The following MYO10 variants were observed in gnomAD, a reference collection of about 807,000 sequenced individuals.
MYO10 encodes the protein myosin X.
MYO10 carries 133 observed loss-of-function variants against 257.3 expected under a neutral mutation model. That is an observed-to-expected ratio of 0.52 (90% CI 0.45 to 0.60). MYO10 has a LOEUF of 0.60. Among genes scored for constraint, MYO10 ranks in the 20% least tolerant of loss-of-function variants. The pLI is 0.00. For missense variants in MYO10, 2,399 were observed against 2,635.7 expected (o/e 0.91, Z 1.97); for synonymous variants, 1,104 against 1,028.6 (o/e 1.07, Z -1.40).
chr5:16,918,783 G>A (rs1186398671), intron 1 of MYO10, among the ~76,000 whole-genome samples: 8 of 152,062 alleles, frequency 5.3e-5, no homozygotes, highest in Non-Finnish European at 1.0e-4. Flanking sequence ...TTACATGCGT[G>A]AGCCACCGCG....
chr5:16,672,867 G>GC, intron 36 of MYO10, 42 bp from the exon 37 acceptor site: 2 of 1,596,214 alleles, frequency 1.3e-6, no homozygotes, highest in Non-Finnish European at 1.7e-6. Flanking sequence ...ACAGGCTGCG[G>GC]CCCCAACACG....
intron 19 of MYO10, among the ~76,000 whole-genome samples, chr5:16,747,377 C>T (rs534866794): frequency 1.2e-4 from 17 of 136,676 alleles, no homozygotes; most frequent in African/African-American, 1.9e-4. Context: ...TTTTATCTTT[C>T]GCACAGTTGA....
intron 23 of MYO10, 125 bp downstream of exon 23, chr5:16,702,800 A>C: frequency 1.0e-6 from 1 of 979,484 alleles, no homozygotes; most frequent in Non-Finnish European, 1.5e-6. Context: ...CTAGCCACCT[A>C]GAGTTACTGT....
chr5:16,924,830 CTTTTT>C (rs35010705), intron 1 of MYO10, among the ~76,000 whole-genome samples: 1 of 124,370 alleles, frequency 8.0e-6, no homozygotes, highest in South Asian at 2.5e-4. Context: ...CACTTTATCA[CTTTTT>C]TTTTTTTTTT....
intron 2 of MYO10, among the ~76,000 whole-genome samples, chr5:16,874,137 A>G (rs1744525197): frequency 1.3e-5 from 2 of 152,034 alleles, no homozygotes; most frequent in South Asian, 4.2e-4. Context: ...GATCGAGACC[A>G]TCCTGGCTAA....
chr5:16,856,403 A>T (rs916888733), intron 2 of MYO10, among the ~76,000 whole-genome samples: 23 of 152,166 alleles, frequency 1.5e-4, no homozygotes, highest in Admixed American at 2.6e-4. Flanking sequence ...TACAAAAACT[A>T]GCTGGGCGTG....
intron 32 of MYO10, among the ~76,000 whole-genome samples, chr5:16,680,531 T>C (rs1407826582): frequency 3.9e-5 from 6 of 152,172 alleles, no homozygotes; most frequent in Admixed American, 1.3e-4. Flanking sequence ...GGCCTGGCAG[T>C]GTGTGAGTTC....
chr5:16,915,962 GAA>G (rs10541432), intron 1 of MYO10: 199,875 of 403,994 alleles, frequency 0.49, 29,443 homozygotes, highest in Admixed American at 0.58. Flanking sequence ...ACGTCAAAAA[GAA>G]AAAAAAAAAA....
rs181737103 is a variant in MYO10, at chr5:16,670,446, C to T, written c.5883+80G>A. ...AGCAAAATGCTCCATCTTGTCTTCT[C>T]TCCACATGAACTTGGCCGTGATCCA... On this transcript the variant is annotated intron_variant, in intron 39 of 40. Transcript: ENST00000513610. 2,052 of 1,301,646 alleles carry T rather than the reference C, an allele frequency of 1.6e-3. 5 individuals carry two copies. The highest frequency in any genetic ancestry group is 1.9e-3 in the Admixed American group (81 of 42,150). The allele number at this position is 1,301,646 out of a possible 1,614,324, so 80.6% of individuals were successfully genotyped here. A position where few individuals can be genotyped will look rare whatever the true frequency, so the allele number is the denominator to read the frequency against.
rs201885377 is a variant in MYO10 at position 16,700,906 on chromosome 5, C to CA, written c.3432+56dup. 1.3e-3 allele frequency: 1,995 copies of CA among 1,478,612 alleles called. 19 individuals carry two copies. The African/African-American group carries it at 0.024, about 18-fold the overall frequency. The allele number at this position is 1,478,612 out of a possible 1,614,324, so 91.6% of individuals were successfully genotyped here. On this transcript the variant is annotated intron_variant, in intron 25 of 40. Transcript: ENST00000513610. ...ATCTTCATTCAACTTGAGGATGCAA[C>CA]AGGGGTGGGTGTGACCGGCCACCCA...
At chr5:16,745,652 C>T (rs936935509) in intron 19 of MYO10, among the ~76,000 whole-genome samples, 5 of 152,176 alleles carry the variant, frequency 3.3e-5, no homozygotes, top group East Asian at 3.9e-4. Flanking sequence ...AGTGCCACTA[C>T]GCTCCCGCCT....
At chr5:16,793,256 T>C (rs1741824722) in intron 4 of MYO10, among the ~76,000 whole-genome samples, 1 of 152,108 alleles carries the variant, frequency 6.6e-6, no homozygotes, top group African/African-American at 2.4e-5. Flanking sequence ...ATTAACAAAC[T>C]CCAACAGGAT....
At chr5:16,870,847 G>A (rs934957678) in intron 2 of MYO10, among the ~76,000 whole-genome samples, 10 of 152,130 alleles carry the variant, frequency 6.6e-5, no homozygotes, top group Admixed American at 4.6e-4. Context: ...AGCCGAGATC[G>A]CGCCATTGCA....
chr5:16,690,244 G>A (rs187687879), intron 27 of MYO10, among the ~76,000 whole-genome samples: 1 of 152,318 alleles, frequency 6.6e-6, no homozygotes, highest in African/African-American at 2.4e-5. Context: ...GAAGCATGTG[G>A]GAGAATATGC....
chr5:16,813,114 A>G, intron 3 of MYO10, among the ~76,000 whole-genome samples: 1 of 152,214 alleles, frequency 6.6e-6, no homozygotes, highest in Non-Finnish European at 1.5e-5. Flanking sequence ...GCCACTTGCC[A>G]GCAACCCATG....
intron 1 of MYO10, among the ~76,000 whole-genome samples, chr5:16,892,946 AC>A (rs1287604468): frequency 6.6e-6 from 1 of 152,102 alleles, no homozygotes; most frequent in African/African-American, 2.4e-5. Flanking sequence ...CTGTAATCCC[AC>A]CACTTTGGGA....
intron 19 of MYO10, among the ~76,000 whole-genome samples, chr5:16,738,775 C>T (rs1317931450): frequency 6.6e-6 from 1 of 151,564 alleles, no homozygotes; most frequent in Non-Finnish European, 1.5e-5. Flanking sequence ...CCTGTAATCC[C>T]AGCTACTCAG....
chr5:16,807,960 C>G (rs1401468998), intron 3 of MYO10, among the ~76,000 whole-genome samples: 1 of 152,156 alleles, frequency 6.6e-6, no homozygotes, highest in Non-Finnish European at 1.5e-5. Context: ...TTTCAACAAG[C>G]CATTCCTGTA....
At chr5:16,731,341 T>C (rs1238320339) in intron 19 of MYO10, among the ~76,000 whole-genome samples, 2 of 124,854 alleles carry the variant, frequency 1.6e-5, no homozygotes, top group Admixed American at 8.4e-5. Context: ...CCACGCCCAG[T>C]TTTGTTTTGT....
Sources: allele counts gnomAD v4.1 joint callset (sites outside exome capture counted in the v4.1 genomes callset), GRCh38; gene constraint gnomAD v4.1.1; transcripts MANE v1.5; gene names NCBI Gene and HGNC (gene_info 2026-07-23, HGNC 2026-07-21).